MEOX2: variants seen among roughly 807,000 people sequenced by gnomAD.
The protein encoded by MEOX2 is mesenchyme homeobox 2.
In MEOX2, 11 loss-of-function variants were observed where a neutral mutation model predicts 27.0. The ratio of observed to expected loss-of-function variants is 0.41; its 90% CI spans 0.26 to 0.68. MEOX2 has a LOEUF of 0.68. MEOX2 is among the 30% of genes least tolerant of loss of function. The probability of loss-of-function intolerance (pLI) is 0.33; values close to 1 mark genes in which losing one functional copy is unlikely to be tolerated. For missense variants in MEOX2, 436 were observed against 385.4 expected (o/e 1.13, Z -1.10); for synonymous variants, 189 against 155.4 (o/e 1.22, Z -1.61).
Position 15,615,284 on chromosome 7 carries a change from A to G in MEOX2, c.691-2673T>C, listed in dbSNP as rs567515176. On this transcript the variant is annotated intron_variant, in intron 2 of 2. Coordinates refer to ENST00000262041, the MANE Select transcript of MEOX2 (RefSeq NM_005924.5). ...GGTTAAGTGACTTACCTAAGATTAC[A>G]CAGAAAGGAAACCCTGGTGCCAGGA... 5.9e-5 allele frequency among the ~76,000 whole-genome samples: 9 copies of G among 152,208 alleles called. No individual in the cohort carries two copies. In the South Asian group the frequency reaches 1.9e-3, roughly 32 times the overall value.
At chr7:15,623,965 G>A (rs990939796) in intron 2 of MEOX2, among the ~76,000 whole-genome samples, 1 of 152,210 alleles carries the variant, frequency 6.6e-6, no homozygotes, top group Non-Finnish European at 1.5e-5. Flanking sequence ...GCTTTGCATA[G>A]CAAAGGTTTT....
chr7:15,671,893 A>G (rs958629250), intron 1 of MEOX2, among the ~76,000 whole-genome samples: 3 of 152,016 alleles, frequency 2.0e-5, no homozygotes, highest in Non-Finnish European at 4.4e-5. Flanking sequence ...ATAATTGTAC[A>G]TCTCTATTAA....
intron 1 of MEOX2, among the ~76,000 whole-genome samples, chr7:15,675,052 A>C (rs1024732870): frequency 2.0e-5 from 3 of 152,214 alleles, no homozygotes; most frequent in Non-Finnish European, 4.4e-5. Context: ...AATACAATAT[A>C]GGTAATGCTC....
intron 1 of MEOX2, among the ~76,000 whole-genome samples, chr7:15,631,422 A>T (rs1025840860): frequency 6.6e-6 from 1 of 151,926 alleles, no homozygotes; most frequent in Non-Finnish European, 1.5e-5. Context: ...TATTATATTT[A>T]TGTAGCCAAT....
In MEOX2 at chr7:15,686,499, T is replaced by TTG; in HGVS notation, c.-98_-97insCA. The TTG allele has an allele frequency of 8.5e-7, 1 of 1,171,054 alleles. No individual in the cohort carries two copies. Among genetic ancestry groups the TTG allele is most frequent in the Non-Finnish European group, 1.2e-6 (1 of 842,184 alleles). The allele number at this position is 1,171,054 out of a possible 1,614,324, so 72.5% of individuals were successfully genotyped here. On this transcript the variant is annotated 5_prime_UTR_variant, in exon 1 of 3. Coordinates refer to ENST00000262041, the MANE Select transcript of MEOX2 (RefSeq NM_005924.5). ...TTCACTGGAAACCGTGTGATTTTTTTTTTAACCTCCCAAAGCAATAGCGGT... is the reference window on the plus strand; with the variant it reads ...TTCACTGGAAACCGTGTGATTTTTTTTGTTTAACCTCCCAAAGCAATAGCGGT...
intron 1 of MEOX2, among the ~76,000 whole-genome samples, chr7:15,666,240 A>G (rs1466749088): frequency 6.6e-6 from 1 of 152,196 alleles, no homozygotes; most frequent in Non-Finnish European, 1.5e-5. Flanking sequence ...GTAATTCTCA[A>G]TGACTTCCAT....
At position 15,686,160 on chromosome 7, in the gene MEOX2, C is replaced by T. The variant is rs1237651295; in HGVS notation, c.243G>A (p.Gln81=). The change falls in exon 1 of 3, where the codon CAG becomes CAA. Residue 81 remains glutamine, a synonymous_variant. Transcript: ENST00000262041. ...TTTGCAGAGCCTGGTGCTGCTGCTG[C>T]TGATGGTGGTGATGGTGGTGGTGGT... ...HHHHHHHHHH[Q]QQQHQALQTN... 1.3e-6 allele frequency: 2 copies of T among 1,563,600 alleles called. No individual in the cohort carries two copies. The highest frequency in any genetic ancestry group is 1.7e-6 in the Non-Finnish European group (2 of 1,160,898).
At chr7:15,615,818 G>A (rs569785541) in intron 2 of MEOX2, among the ~76,000 whole-genome samples, 2 of 151,994 alleles carry the variant, frequency 1.3e-5, no homozygotes, top group African/African-American at 2.4e-5. Flanking sequence ...GTCACCAAGA[G>A]CTGAAACATT....
At chr7:15,656,329 G>A (rs1781820227) in intron 1 of MEOX2, among the ~76,000 whole-genome samples, 4 of 151,574 alleles carry the variant, frequency 2.6e-5, no homozygotes, top group Admixed American at 2.6e-4. Context: ...ACTTTTAATT[G>A]CTATGTTTTT....
chr7:15,619,122 A>G (rs922931612), intron 2 of MEOX2, among the ~76,000 whole-genome samples: 4 of 152,060 alleles, frequency 2.6e-5, no homozygotes, highest in Admixed American at 2.6e-4. Context: ...GAACATATGT[A>G]TGTACTCTTC....
At chr7:15,634,548 T>C (rs1049929416) in intron 1 of MEOX2, among the ~76,000 whole-genome samples, 5 of 152,016 alleles carry the variant, frequency 3.3e-5, no homozygotes, top group African/African-American at 1.2e-4. Flanking sequence ...GTTTAATTGG[T>C]TAAATCTGGC....
chr7:15,663,406 C>G (rs1781946753), intron 1 of MEOX2, among the ~76,000 whole-genome samples: 1 of 151,614 alleles, frequency 6.6e-6, no homozygotes, highest in African/African-American at 2.4e-5. Context: ...GATCTCAGCT[C>G]ACTGAAACCT....
intron 2 of MEOX2, among the ~76,000 whole-genome samples, chr7:15,622,253 G>A (rs565421972): frequency 6.6e-6 from 1 of 152,136 alleles, no homozygotes; most frequent in South Asian, 2.1e-4. Flanking sequence ...ATATTTATAT[G>A]CATACACATA....
intron 1 of MEOX2, among the ~76,000 whole-genome samples, chr7:15,676,514 C>A (rs1782195239): frequency 6.6e-6 from 1 of 152,074 alleles, no homozygotes; most frequent in Non-Finnish European, 1.5e-5. Flanking sequence ...ATTTGAATTC[C>A]TTTTATTTAA....
intron 1 of MEOX2, among the ~76,000 whole-genome samples, chr7:15,627,853 C>A (rs1781340855): frequency 1.2e-5 from 1 of 84,090 alleles, no homozygotes; most frequent in Non-Finnish European, 2.7e-5. Context: ...TCATACCCAG[C>A]TCTAATAACT....
chr7:15,652,189 G>A (rs540246509), intron 1 of MEOX2, among the ~76,000 whole-genome samples: 25 of 152,092 alleles, frequency 1.6e-4, no homozygotes, highest in African/African-American at 5.8e-4. Context: ...GCAGTAACAT[G>A]CTTTTACTGT....
At chr7:15,646,104 T>C (rs1402715990) in intron 1 of MEOX2, among the ~76,000 whole-genome samples, 2 of 152,048 alleles carry the variant, frequency 1.3e-5, no homozygotes, top group Non-Finnish European at 2.9e-5. Context: ...AAAATAAGAA[T>C]AGCAACAAAC....
At chr7:15,678,995 A>G (rs1391905956) in intron 1 of MEOX2, 5 of 152,200 alleles carry the variant, frequency 3.3e-5, no homozygotes, top group African/African-American at 1.2e-4. Flanking sequence ...AACTGCAGGG[A>G]CTTTTATAAC....
intron 1 of MEOX2, among the ~76,000 whole-genome samples, chr7:15,659,420 A>C (rs1263606817): frequency 6.6e-6 from 1 of 152,132 alleles, no homozygotes; most frequent in Non-Finnish European, 1.5e-5. Flanking sequence ...TGTGTCTGCT[A>C]TGTGTCAAAG....
Sources: allele counts gnomAD v4.1 joint callset (sites outside exome capture counted in the v4.1 genomes callset), GRCh38; gene constraint gnomAD v4.1.1; transcripts MANE v1.5; gene names NCBI Gene and HGNC (gene_info 2026-07-23, HGNC 2026-07-21).